Variants in WNT10A observed in about 807,000 individuals in gnomAD.
The protein encoded by WNT10A is Wnt family member 10A.
Under a neutral mutation model 36.1 loss-of-function variants are expected in WNT10A, and 37 were observed. The observed-to-expected ratio is 1.02, with a 90% CI of 0.79 to 1.35. The LOEUF (loss-of-function observed/expected upper bound fraction) is 1.35, where lower values mean the gene tolerates loss of function less well. WNT10A is among the 40% of genes most tolerant of loss of function. The probability of loss-of-function intolerance (pLI) is 0.00; values close to 1 mark genes in which losing one functional copy is unlikely to be tolerated. For synonymous variants in WNT10A, 255 were observed against 254.1 expected (o/e 1.00, Z -0.03); for missense variants, 613 against 601.4 (o/e 1.02, Z -0.20).
chr2:218,878,829 C>G (rs1384519966), upstream of WNT10A, among the ~76,000 whole-genome samples: 1 of 152,206 alleles, frequency 6.6e-6, no homozygotes, highest in African/African-American at 2.4e-5. The surrounding 1 kb of genome is among the most constrained non-coding windows in gnomAD (Gnocchi z 4.1). Flanking sequence ...GAATATGACT[C>G]TCCAGCTTGC....
Position 218,881,129 on chromosome 2 carries a change from C to G in WNT10A, c.113+21C>G, listed in dbSNP as rs1215551918. 3.8e-6 allele frequency: 6 copies of G among 1,574,364 alleles called. No homozygotes were observed. In the African/African-American group the frequency reaches 8.1e-5, roughly 21 times the overall value. ...CCCAGGTGAGCCCTCACCTCATGCT[C>G]CGCCCTCCTAGAGAGTTGGGACCCC... On this transcript the variant is annotated intron_variant, in intron 1 of 3. Transcript: ENST00000258411.
chr2:218,882,649 G>C (rs1479578234), intron 2 of WNT10A, among the ~76,000 whole-genome samples: 1 of 152,164 alleles, frequency 6.6e-6, no homozygotes, highest in African/African-American at 2.4e-5. Flanking sequence ...GAGGGTGGCA[G>C]GTTCCATGCC....
intron 2 of WNT10A, among the ~76,000 whole-genome samples, chr2:218,885,536 G>A (rs1235681415): frequency 1.3e-5 from 2 of 152,152 alleles, no homozygotes; most frequent in East Asian, 3.9e-4. Flanking sequence ...GGGAAATGTG[G>A]TAGATTCACA....
rs952395387 is a variant in WNT10A at position 218,882,431 on chromosome 2, C to T, written c.376+8C>T. On this transcript the variant is annotated splice_region_variant and intron_variant, in intron 2 of 3. Coordinates refer to ENST00000258411, the MANE Select transcript of WNT10A (RefSeq NM_025216.3). ...GTCCCATCTTCAGCAGAGGTAGCTG[C>T]CCCTCACCCCTGCCCCTGCCTGCCC... The T allele has an allele frequency of 1.9e-6, 3 of 1,613,960 alleles. No individual in the cohort carries two copies. Among genetic ancestry groups the T allele is most frequent in the South Asian group, 1.1e-5 (1 of 91,072 alleles).
At position 218,892,986 on chromosome 2, in the gene WNT10A, C is replaced by A. The variant is rs1472729942; in HGVS notation, c.969C>A (p.Gly323=). The A allele has an allele frequency of 2.8e-5, 41 of 1,480,618 alleles. No individual in the cohort carries two copies. Among genetic ancestry groups the A allele is most frequent in the Non-Finnish European group, 3.4e-5 (38 of 1,125,338 alleles). The allele number at this position is 1,480,618 out of a possible 1,614,324, so 91.7% of individuals were successfully genotyped here. A position where few individuals can be genotyped will look rare whatever the true frequency, so the allele number is the denominator to read the frequency against. The change falls in exon 4 of 4, where the codon GGC becomes GGA. Residue 323 remains glycine (G), a synonymous_variant. Coordinates refer to ENST00000258411, the MANE Select transcript of WNT10A (RefSeq NM_025216.3). ...CGGGGGCACCCTCGCCGGCTCCGGG[C>A]GCTCCCGGGCCGCGCCGACGGGCCA... The part of the protein sequence containing the change: ...GPAGAPSPAP[G]APGPRRRASP...
upstream of WNT10A, among the ~76,000 whole-genome samples, chr2:218,878,175 T>C (rs1944470221): frequency 6.6e-6 from 1 of 152,094 alleles, no homozygotes; most frequent in African/African-American, 2.4e-5. The surrounding 1 kb of genome is among the most constrained non-coding windows in gnomAD (Gnocchi z 4.1). Context: ...GGGGTGCTGA[T>C]AGGGGCTTGG....
intron 1 of WNT10A, among the ~76,000 whole-genome samples, 191 bp downstream of exon 1, chr2:218,881,299 A>C (rs1322726037): frequency 6.6e-6 from 1 of 152,188 alleles, no homozygotes; most frequent in Admixed American, 6.5e-5. Flanking sequence ...GGATATGGGC[A>C]GTCCAGGGAG....
chr2:218,880,874 C>T lies in WNT10A; in HGVS notation c.-122C>T. 8.0e-7 allele frequency: 1 copy of T among 1,251,538 alleles called. No homozygotes were observed. The highest frequency in any genetic ancestry group is 1.1e-6 in the Non-Finnish European group (1 of 945,862). The allele number at this position is 1,251,538 out of a possible 1,614,324, so 77.5% of individuals were successfully genotyped here. A position where few individuals can be genotyped will look rare whatever the true frequency, so the allele number is the denominator to read the frequency against. On this transcript the variant is annotated 5_prime_UTR_variant, in exon 1 of 4. Transcript: ENST00000258411. The surrounding 1 kb of genome is among the most constrained non-coding windows in gnomAD (Gnocchi z 7.7). The stretch of plus-strand genomic sequence containing the variant: ...GCCGTCTGCTCCGGGAGCCCTGACC[C>T]GAGTCGGAGCTGTGTGTCGCAGCCG...
upstream of WNT10A, among the ~76,000 whole-genome samples, chr2:218,878,793 G>C (rs1944476379): frequency 6.6e-6 from 1 of 152,238 alleles, no homozygotes; most frequent in South Asian, 2.1e-4. This position sits in a 1 kb window ranked among gnomAD's most constrained non-coding sequence, Gnocchi z 4.1. Context: ...TTCTTTCTGG[G>C]CCTCAGTTTC....
At chr2:218,883,549 C>T (rs944679050) in intron 2 of WNT10A, among the ~76,000 whole-genome samples, 2 of 150,852 alleles carry the variant, frequency 1.3e-5, no homozygotes, top group African/African-American at 4.9e-5. Flanking sequence ...CGCCCCGCCC[C>T]GCCCCCGCGC....
Position 218,892,816 on chromosome 2 carries a change from A to G in WNT10A, c.799A>G (p.Thr267Ala). Residue 267 changes from threonine (T) to alanine (A), a missense_variant, in exon 4 of 4, where the codon ACG becomes GCG. Coordinates refer to ENST00000258411, the MANE Select transcript of WNT10A (RefSeq NM_025216.3). ...GCGGCGGAAGTGCAAGTGCCACGGC[A>G]CGTCAGGCAGCTGCCAGCTCAAGAC... ...NMRRKCKCHG[T>A]SGSCQLKTCW... 1 of 1,596,964 alleles carries G rather than the reference A, an allele frequency of 6.3e-7. No homozygotes were observed. Among genetic ancestry groups the G allele is most frequent in the Non-Finnish European group, 8.5e-7 (1 of 1,173,270 alleles).
chr2:218,885,300 C>T (rs1321243504), intron 2 of WNT10A, among the ~76,000 whole-genome samples: 1 of 152,234 alleles, frequency 6.6e-6, no homozygotes, highest in Non-Finnish European at 1.5e-5. Flanking sequence ...GTGCCAATGG[C>T]ACTGGTAGCC....
chr2:218,893,442 A>G lies in WNT10A; in HGVS notation c.*171A>G. The G allele has an allele frequency of 1.0e-6, 1 of 957,928 alleles. No individual in the cohort carries two copies. Among genetic ancestry groups the G allele is most frequent in the South Asian group, 1.9e-5 (1 of 53,050 alleles). The allele number at this position is 957,928 out of a possible 1,614,324, so 59.3% of individuals were successfully genotyped here. A position where few individuals can be genotyped will look rare whatever the true frequency, so the allele number is the denominator to read the frequency against. ...GAGGTCTGTGATCGCCGGACAGTCC[A>G]GGCCTGTCTGAACCCCACCACTCAC... On this transcript the variant is annotated 3_prime_UTR_variant, in exon 4 of 4. Coordinates refer to ENST00000258411, the MANE Select transcript of WNT10A (RefSeq NM_025216.3). The surrounding 1 kb of genome is among the most constrained non-coding windows in gnomAD (Gnocchi z 6.3).
rs371998817 is a variant in WNT10A, at chr2:218,893,074, G to T, written c.1057G>T (p.Asp353Tyr). The T allele has an allele frequency of 1.3e-6, 2 of 1,596,714 alleles. No homozygotes were observed. The stretch of plus-strand genomic sequence containing the variant: ...CTTCTGCGAGCGCGAGCCGCGCCTG[G>T]ACTCGGCGGGCACCGTGGGCCGCCT... ...PDFCEREPRLDSAGTVGRLCN... is the reference protein window; with the variant it reads ...PDFCEREPRLYSAGTVGRLCN... The change falls in exon 4 of 4, where the codon GAC (aspartate) becomes TAC (tyrosine). Residue 353 changes from aspartate to tyrosine, a missense_variant. Physicochemically the swap from Asp to Tyr is radical, Grantham distance 160. Transcript: ENST00000258411. This position sits in a 1 kb window ranked among gnomAD's most constrained non-coding sequence, Gnocchi z 6.3.
chr2:218,891,018 T>C (rs1181922823), intron 3 of WNT10A, among the ~76,000 whole-genome samples: 11 of 152,230 alleles, frequency 7.2e-5, no homozygotes, highest in African/African-American at 2.4e-4. Flanking sequence ...CCTGCATTTA[T>C]TGAGTGCTTA....
intron 2 of WNT10A, among the ~76,000 whole-genome samples, chr2:218,886,247 T>C (rs1944576043): frequency 6.6e-6 from 1 of 152,218 alleles, no homozygotes; most frequent in African/African-American, 2.4e-5. Context: ...CACCTACTCC[T>C]GTTTTTGCAT....
upstream of WNT10A, among the ~76,000 whole-genome samples, chr2:218,878,792 G>A (rs1323564737): frequency 1.3e-5 from 2 of 152,094 alleles, no homozygotes; most frequent in East Asian, 1.9e-4. The surrounding 1 kb of genome is among the most constrained non-coding windows in gnomAD (Gnocchi z 4.1). Flanking sequence ...ATTCTTTCTG[G>A]GCCTCAGTTT....
chr2:218,888,322 C>T (rs1220009952), intron 2 of WNT10A, among the ~76,000 whole-genome samples: 1 of 152,222 alleles, frequency 6.6e-6, no homozygotes, highest in Non-Finnish European at 1.5e-5. Flanking sequence ...TGCAAGTAGG[C>T]CTCCCCCTGC....
intron 2 of WNT10A, among the ~76,000 whole-genome samples, chr2:218,886,553 C>G (rs1226042893): frequency 6.6e-6 from 1 of 152,198 alleles, no homozygotes; most frequent in Non-Finnish European, 1.5e-5. Flanking sequence ...CAGCTGACTC[C>G]ACTTAGATGC....
Sources: allele counts gnomAD v4.1 joint callset (sites outside exome capture counted in the v4.1 genomes callset), GRCh38; gene constraint gnomAD v4.1.1; non-coding constraint Gnocchi (gnomAD v3.1); transcripts MANE v1.5; gene names NCBI Gene and HGNC (gene_info 2026-07-23, HGNC 2026-07-21).